NECAB1: variants seen among roughly 807,000 people sequenced by gnomAD.
The protein encoded by NECAB1 is N-terminal EF-hand calcium-binding protein 1.
Under a neutral mutation model 57.5 loss-of-function variants are expected in NECAB1, and 29 were observed. That is an observed-to-expected ratio of 0.50 (90% CI 0.38 to 0.69). NECAB1 has a LOEUF of 0.69. Ranked by LOEUF, NECAB1 falls within the 30% of genes least tolerant of loss-of-function variation. The pLI, the probability that NECAB1 is intolerant of heterozygous loss-of-function variation, is 0.00. For synonymous variants in NECAB1, 142 were observed against 147.7 expected (o/e 0.96, Z 0.28); for missense variants, 372 against 413.8 (o/e 0.90, Z 0.88).
intron 2 of NECAB1, among the ~76,000 whole-genome samples, chr8:90,804,920 G>A (rs565265183): frequency 6.6e-5 from 10 of 152,146 alleles, no homozygotes; most frequent in Non-Finnish European, 8.8e-5. Context: ...AAAGTTACCA[G>A]GCAAGTGCCT....
chr8:90,925,596 C>G lies in NECAB1; in HGVS notation c.556C>G (p.Arg186Gly), dbSNP rs774568110. 13 of 1,613,506 alleles carry G rather than the reference C, an allele frequency of 8.1e-6. No homozygotes were observed. Among genetic ancestry groups the G allele is most frequent in the African/African-American group, 1.3e-5 (1 of 74,914 alleles). ...IQWPGKRSSRRVQRHNSFSPN... is the reference protein window; with the variant it reads ...IQWPGKRSSRGVQRHNSFSPN... ...ATGGCCTGGAAAACGATCAAGCCGC[C>G]GAGTCCAGAGACACAACAGCTTCTC... Residue 186 changes from arginine to glycine, a missense_variant, in exon 7 of 13, where the codon CGA (arginine) becomes GGA (glycine). Physicochemically the swap from Arg to Gly is moderately radical, Grantham distance 125. Transcript: ENST00000417640.
chr8:90,904,219 G>A (rs1369878164), intron 5 of NECAB1, among the ~76,000 whole-genome samples: 1 of 151,454 alleles, frequency 6.6e-6, no homozygotes, highest in Non-Finnish European at 1.5e-5. Context: ...ATCTAGATCT[G>A]GTAAAATTTC....
chr8:90,919,076 T>C (rs1354595894), intron 6 of NECAB1, among the ~76,000 whole-genome samples: 1 of 152,114 alleles, frequency 6.6e-6, no homozygotes, highest in Admixed American at 6.5e-5. Flanking sequence ...AGAAAATAAG[T>C]AGTCATATTG....
At chr8:90,812,890 T>A (rs13250572) in intron 2 of NECAB1, 1 of 151,914 alleles carries the variant, frequency 6.6e-6, no homozygotes, top group East Asian at 1.9e-4. Flanking sequence ...AAATAACAGA[T>A]CAAAATATAC....
At chr8:90,910,558 C>T (rs1563530158) in intron 5 of NECAB1, among the ~76,000 whole-genome samples, 1 of 152,108 alleles carries the variant, frequency 6.6e-6, no homozygotes, top group Admixed American at 6.6e-5. Context: ...TTATCTGAAT[C>T]TCCCTTTTTA....
chr8:90,804,695 T>C (rs1025816764), intron 2 of NECAB1, among the ~76,000 whole-genome samples: 3 of 152,228 alleles, frequency 2.0e-5, no homozygotes, highest in Non-Finnish European at 4.4e-5. Context: ...TTCTGCTCTA[T>C]TATTTCTCTC....
chr8:90,929,417 T>C (rs983384689), intron 8 of NECAB1, among the ~76,000 whole-genome samples: 1 of 152,354 alleles, frequency 6.6e-6, no homozygotes, highest in African/African-American at 2.4e-5. Context: ...AATCAACAGA[T>C]AGTCCAGAGG....
chr8:90,865,324 A>G (rs1808492975), intron 3 of NECAB1, among the ~76,000 whole-genome samples: 1 of 152,174 alleles, frequency 6.6e-6, no homozygotes, highest in Admixed American at 6.5e-5. Flanking sequence ...AGAGAGGTTC[A>G]GAGTCTTGCT....
intron 2 of NECAB1, among the ~76,000 whole-genome samples, chr8:90,815,001 A>G (rs1211878773): frequency 6.6e-6 from 1 of 152,084 alleles, no homozygotes; most frequent in Admixed American, 6.5e-5. Flanking sequence ...TGAGCTAAAC[A>G]TGAGTTTATA....
rs151090059 is a variant in NECAB1 at position 90,927,863 on chromosome 8, A to G, written c.617-360A>G. ...CTATGGTCAGGGGTATGATTTCACTAGCTCTTGCCACTGACCTACAAGTAA... is the reference window on the plus strand; with the variant it reads ...CTATGGTCAGGGGTATGATTTCACTGGCTCTTGCCACTGACCTACAAGTAA... On this transcript the variant is annotated intron_variant, in intron 7 of 12. Transcript: ENST00000417640. 3.1e-3 allele frequency among the ~76,000 whole-genome samples: 472 copies of G among 150,396 alleles called. 3 individuals carry two copies. The highest frequency in any genetic ancestry group is 0.011 in the African/African-American group (457 of 40,486).
intron 3 of NECAB1, among the ~76,000 whole-genome samples, chr8:90,865,019 C>A (rs749903828): frequency 6.6e-6 from 1 of 152,024 alleles, no homozygotes; most frequent in Admixed American, 6.6e-5. Context: ...GATCAACAGC[C>A]CCACTGGAAG....
intron 11 of NECAB1, among the ~76,000 whole-genome samples, chr8:90,950,529 A>G (rs1225078528): frequency 6.6e-6 from 1 of 152,210 alleles, no homozygotes; most frequent in African/African-American, 2.4e-5. Context: ...CAGAGAATAC[A>G]GCTCTCTAAA....
At chr8:90,840,654 C>T (rs1586050060) in intron 3 of NECAB1, among the ~76,000 whole-genome samples, 1 of 152,138 alleles carries the variant, frequency 6.6e-6, no homozygotes, top group East Asian at 1.9e-4. Context: ...TTTTTAAAAG[C>T]AGTGTAGACT....
chr8:90,955,494 G>T lies in NECAB1; in HGVS notation c.1038G>T (p.Trp346Cys), dbSNP rs1045410389. Residue 346 changes from tryptophan (W) to cysteine (C), a missense_variant, in exon 13 of 13, where the codon TGG becomes TGT. Coordinates refer to ENST00000417640, the MANE Select transcript of NECAB1 (RefSeq NM_022351.5). ...LTSTMLVPAS[W>C]WILNN ...ACATTTTTCTCTTTTCAGCTTCGTG[G>T]TGGATCCTGAACAACTAGATGTTCC... is the stretch of plus-strand genomic sequence containing the variant. 2.6e-6 allele frequency: 4 copies of T among 1,551,480 alleles called. No homozygotes were observed. Among genetic ancestry groups the T allele is most frequent in the African/African-American group, 2.7e-5 (2 of 73,204 alleles).
chr8:90,880,969 AT>A (rs1242312411), intron 4 of NECAB1, 63 bp from the exon 5 acceptor site: 4 of 1,221,664 alleles, frequency 3.3e-6, no homozygotes, highest in Admixed American at 2.2e-5. Context: ...TAATTAGTTG[AT>A]TTTTTTGTTT....
intron 1 of NECAB1, among the ~76,000 whole-genome samples, chr8:90,798,621 A>G (rs1008716574): frequency 6.6e-6 from 1 of 152,182 alleles, no homozygotes; most frequent in Non-Finnish European, 1.5e-5. Flanking sequence ...ACTGCAAAGG[A>G]CATTATCTTG....
intron 10 of NECAB1, among the ~76,000 whole-genome samples, chr8:90,943,589 C>G (rs1810726841): frequency 6.6e-6 from 1 of 152,122 alleles, no homozygotes; most frequent in African/African-American, 2.4e-5. Flanking sequence ...TCCAATGCAC[C>G]CAGCACAATT....
chr8:90,952,517 G>A (rs971909357), intron 12 of NECAB1, among the ~76,000 whole-genome samples: 2 of 152,088 alleles, frequency 1.3e-5, no homozygotes, highest in South Asian at 4.1e-4. Context: ...GGTGGCTCAC[G>A]CCTGTAATCC....
intron 2 of NECAB1, among the ~76,000 whole-genome samples, chr8:90,813,424 AATAAGT>A (rs1812002300): frequency 6.6e-6 from 1 of 152,068 alleles, no homozygotes; most frequent in African/African-American, 2.4e-5. Flanking sequence ...ATCTAATATG[AATAAGT>A]ATAACTAATT....
Sources: gnomAD v4.1 joint callset for allele counts (sites outside exome capture counted in the v4.1 genomes callset) on GRCh38, gnomAD v4.1.1 for gene constraint, MANE v1.5 for transcripts, NCBI Gene and HGNC (gene_info 2026-07-23, HGNC 2026-07-21) for gene names.